Variants in CUX1 observed in about 807,000 individuals in gnomAD.
The protein encoded by CUX1 is cut like homeobox 1.
A neutral mutation model predicts 158.8 loss-of-function variants in CUX1; 31 were observed. That is an observed-to-expected ratio of 0.20 (90% CI 0.15 to 0.26). The LOEUF is 0.26. Among genes scored for constraint, CUX1 ranks in the 10% least tolerant of loss-of-function variants. CUX1 has a pLI of 1.00. For missense variants in CUX1, 1,589 were observed against 2,014.6 expected (o/e 0.79, Z 4.04); for synonymous variants, 879 against 862.1 (o/e 1.02, Z -0.34).
At chr7:101,818,889 T>G (rs1440376208) in intron 1 of CUX1, 1 of 152,202 alleles carries the variant, frequency 6.6e-6, no homozygotes, top group Non-Finnish European at 1.5e-5. Flanking sequence ...TCCAGACCTC[T>G]TTATACTGAG....
rs556706335 is a variant in CUX1, at chr7:102,226,180, G to A, written c.3131-1187G>A. ...CTGGCATTTCCCACTGGGCACCCAC[G>A]GCGACCCCAACAAGGCAGAGGAGAG... On this transcript the variant is annotated intron_variant, in intron 20 of 23. Transcript: ENST00000292535. 5.3e-5 allele frequency among the ~76,000 whole-genome samples: 8 copies of A among 152,288 alleles called. No homozygotes were observed. In the South Asian group the frequency reaches 8.3e-4, roughly 16 times the overall value.
Position 102,248,909 on chromosome 7 carries a change from TC to T in CUX1, c.4389del (p.Glu1464ArgfsTer21), listed in dbSNP as rs1554538399. ...AGCTCGCTGCAGAGCCTTTTCGGCCTCCCCGAGGCCGCGGGCGCCCGGGACT... is the reference window on the plus strand; with the variant it reads ...AGCTCGCTGCAGAGCCTTTTCGGCCTCCCGAGGCCGCGGGCGCCCGGGACT... The part of the protein sequence containing the change: ...RPSSLQSLFG[L>X]PEAAGARDSR... On this transcript the variant is annotated frameshift_variant, in exon 24 of 24. Transcript: ENST00000292535. LOFTEE classifies it low-confidence loss of function (END_TRUNC). This position sits in a 1 kb window ranked among gnomAD's most constrained non-coding sequence, Gnocchi z 5.8. The T allele has an allele frequency of 1.4e-6, 2 of 1,437,742 alleles. No homozygotes were observed. The highest frequency in any genetic ancestry group is 9.2e-7 in the Non-Finnish European group (1 of 1,090,172). The allele number at this position is 1,437,742 out of a possible 1,614,324, so 89.1% of individuals were successfully genotyped here. A position where few individuals can be genotyped will look rare whatever the true frequency, so the allele number is the denominator to read the frequency against.
chr7:102,045,517 G>A (rs1404322330), intron 3 of CUX1, among the ~76,000 whole-genome samples: 2 of 152,244 alleles, frequency 1.3e-5, no homozygotes, highest in East Asian at 3.8e-4. Context: ...GCTGCTTTCT[G>A]TTGAATAAAT....
chr7:101,957,640 C>T (rs1000469720), intron 2 of CUX1, among the ~76,000 whole-genome samples: 1 of 152,070 alleles, frequency 6.6e-6, no homozygotes, highest in Non-Finnish European at 1.5e-5. Context: ...GCAGGAGAAT[C>T]ATTTGAACCT....
chr7:102,200,259 T>TA (rs1448866274), intron 17 of CUX1, 87 bp downstream of exon 17: 8 of 1,089,290 alleles, frequency 7.3e-6, no homozygotes, highest in Non-Finnish European at 1.0e-5. Flanking sequence ...ATTAACTATT[T>TA]TTTTTTTAAA....
intron 5 of CUX1, among the ~76,000 whole-genome samples, chr7:102,100,338 C>T (rs1829644752): frequency 6.6e-6 from 1 of 152,166 alleles, no homozygotes; most frequent in South Asian, 2.1e-4. Flanking sequence ...TTATTGCTAC[C>T]ACCTAGCTAT....
At chr7:102,236,391 G>C (rs1307517803) in intron 22 of CUX1, among the ~76,000 whole-genome samples, 1 of 152,246 alleles carries the variant, frequency 6.6e-6, no homozygotes, top group Admixed American at 6.5e-5. Flanking sequence ...GTAAGCTGCA[G>C]AGGCCTGGTG....
At chr7:102,109,792 AAAAAG>A (rs1830701272) in intron 6 of CUX1, among the ~76,000 whole-genome samples, 1 of 152,026 alleles carries the variant, frequency 6.6e-6, no homozygotes, top group Admixed American at 6.6e-5. Context: ...CCAAAAAAAA[AAAAAG>A]AAAAAAGAAA....
chr7:102,038,457 G>T (rs1196245133), intron 3 of CUX1, among the ~76,000 whole-genome samples: 1 of 152,202 alleles, frequency 6.6e-6, no homozygotes, highest in Non-Finnish European at 1.5e-5. Flanking sequence ...ATGAAAAGAT[G>T]TCTAGGTTGC....
At chr7:102,112,086 T>C (rs1449978806) in intron 7 of CUX1, 5 of 224,850 alleles carry the variant, frequency 2.2e-5, no homozygotes, top group African/African-American at 1.1e-4. Flanking sequence ...AGGACTGACA[T>C]TTCATTTGGA....
At chr7:102,170,316 A>G (rs1791565498) in intron 9 of CUX1, 130 bp from the exon 10 acceptor site, 4 of 646,026 alleles carry the variant, frequency 6.2e-6, no homozygotes, top group East Asian at 2.8e-5. Flanking sequence ...TTTTCCTAGC[A>G]TTTATTAGGT....
rs1798153770 is a variant in CUX1 at position 102,224,498 on chromosome 7, A to C, written c.3131-2869A>C. On this transcript the variant is annotated intron_variant, in intron 20 of 23. Coordinates refer to ENST00000292535, the MANE Select transcript of CUX1 (RefSeq NM_181552.4). The stretch of plus-strand genomic sequence containing the variant: ...TCTTCTGCATTTTAGACTCAGATTG[A>C]GAGTGGAGAGACAGATACAAGCCAC... Among the ~76,000 whole-genome samples, 5 of 152,128 alleles carry C rather than the reference A, an allele frequency of 3.3e-5. No individual in the cohort carries two copies. The South Asian group carries it at 1.0e-3, about 32-fold the overall frequency.
At chr7:101,847,832 C>G (rs1795850885) in intron 1 of CUX1, among the ~76,000 whole-genome samples, 1 of 151,770 alleles carries the variant, frequency 6.6e-6, no homozygotes, top group Non-Finnish European at 1.5e-5. Flanking sequence ...CTTTGGGAGG[C>G]CAAGGCAGGC....
intron 1 of CUX1, among the ~76,000 whole-genome samples, chr7:101,866,643 TTAAAC>T (rs1554399492): frequency 6.6e-6 from 1 of 151,534 alleles, no homozygotes; most frequent in Non-Finnish European, 1.5e-5. Context: ...TAAAAAAAAG[TTAAAC>T]TAGAGTAGAT....
At chr7:102,221,910 G>A (rs896234091) in intron 20 of CUX1, among the ~76,000 whole-genome samples, 6 of 152,080 alleles carry the variant, frequency 3.9e-5, no homozygotes, top group Non-Finnish European at 7.3e-5. Flanking sequence ...CCTTGGAAGC[G>A]AGGTTTTTGT....
intron 1 of CUX1, among the ~76,000 whole-genome samples, chr7:101,895,361 T>A (rs763226489): frequency 6.6e-6 from 1 of 152,030 alleles, no homozygotes; most frequent in Non-Finnish European, 1.5e-5. Context: ...GTAGCCACAG[T>A]TGGATCCCAA....
chr7:101,925,408 G>C (rs1805469820), intron 2 of CUX1, among the ~76,000 whole-genome samples: 1 of 152,196 alleles, frequency 6.6e-6, no homozygotes, highest in African/African-American at 2.4e-5. Flanking sequence ...ACAGTGCCTG[G>C]CCAAAAGTAG....
chr7:102,261,972 G>T (rs1054972098), downstream of CUX1, among the ~76,000 whole-genome samples: 1 of 152,106 alleles, frequency 6.6e-6, no homozygotes, highest in Non-Finnish European at 1.5e-5. Flanking sequence ...TTTAAAATTC[G>T]CCGGATGTGC....
intron 2 of CUX1, among the ~76,000 whole-genome samples, chr7:101,937,838 C>T (rs1010888413): frequency 1.3e-5 from 2 of 152,050 alleles, no homozygotes; most frequent in African/African-American, 4.8e-5. Context: ...TAGTAGATTT[C>T]TGCTTACTCA....
Sources: allele counts gnomAD v4.1 joint callset (sites outside exome capture counted in the v4.1 genomes callset), GRCh38; gene constraint gnomAD v4.1.1; non-coding constraint Gnocchi (gnomAD v3.1); transcripts MANE v1.5; gene names NCBI Gene and HGNC (gene_info 2026-07-23, HGNC 2026-07-21).